Variants in LPIN2 observed in about 807,000 individuals in gnomAD.
LPIN2 encodes the protein lipin 2.
A neutral mutation model predicts 111.4 loss-of-function variants in LPIN2; 55 were observed. That is an observed-to-expected ratio of 0.49 (90% CI 0.40 to 0.62). The LOEUF is 0.62. Among genes scored for constraint, LPIN2 ranks in the 20% least tolerant of loss-of-function variants. The probability of loss-of-function intolerance (pLI) is 0.00; values close to 1 mark genes in which losing one functional copy is unlikely to be tolerated. For synonymous variants in LPIN2, 425 were observed against 414.0 expected (o/e 1.03, Z -0.32); for missense variants, 992 against 1,112.1 (o/e 0.89, Z 1.54).
rs1378990567 is a variant in LPIN2 at position 2,917,683 on chromosome 18, T to A, written c.*2610A>T. ...TACCCAAAAACGGAGGCAGCCTGCATGCTCCAGGTCTACACGAGCACCTCA... is the reference window on the plus strand; with the variant it reads ...TACCCAAAAACGGAGGCAGCCTGCAAGCTCCAGGTCTACACGAGCACCTCA... On this transcript the variant is annotated 3_prime_UTR_variant, in exon 20 of 20. Transcript: ENST00000677752. The A allele has an allele frequency of 6.6e-6, 1 of 151,878 alleles. No individual in the cohort carries two copies. Among genetic ancestry groups the A allele is most frequent in the Non-Finnish European group, 1.5e-5 (1 of 68,090 alleles). 9.4% of individuals were successfully genotyped at this position (151,878 alleles called of 1,614,324 possible). A position where few individuals can be genotyped will look rare whatever the true frequency, so the allele number is the denominator to read the frequency against.
chr18:2,977,338 C>G (rs2078037173), intron 1 of LPIN2, among the ~76,000 whole-genome samples: 2 of 152,126 alleles, frequency 1.3e-5, no homozygotes, highest in South Asian at 4.1e-4. Context: ...ACACAGGTAA[C>G]TAGATGCACA....
At chr18:2,921,834 A>G (rs2077058282) in intron 17 of LPIN2, 187 bp from the exon 18 acceptor site, 1 of 806,624 alleles carries the variant, frequency 1.2e-6, no homozygotes, top group Non-Finnish European at 2.0e-6. Flanking sequence ...GGGAAGGAGA[A>G]AACTTGACGG....
intron 1 of LPIN2, among the ~76,000 whole-genome samples, chr18:3,012,291 G>A (rs2078617308): frequency 6.6e-6 from 1 of 152,160 alleles, no homozygotes; most frequent in Admixed American, 6.5e-5. Context: ...AGTACTTTTC[G>A]GAAAGGAAGG....
chr18:2,947,998 G>A (rs1178689886), intron 4 of LPIN2, among the ~76,000 whole-genome samples: 1 of 152,158 alleles, frequency 6.6e-6, no homozygotes, highest in Non-Finnish European at 1.5e-5. Flanking sequence ...AGAGGCTACT[G>A]TTCTACAATC....
Position 2,920,879 on chromosome 18 carries a change from A to G in LPIN2, c.2445T>C (p.Asp815=), listed in dbSNP as rs140249737. The G allele has an allele frequency of 3.8e-4, 607 of 1,607,242 alleles. No individual in the cohort carries two copies. The highest frequency in any genetic ancestry group is 5.0e-4 in the Non-Finnish European group (583 of 1,173,826). The part of the protein sequence containing the change: ...FYAAFGNRPN[D]VYAYTQVGVP... The stretch of plus-strand genomic sequence containing the variant: ...CTCCAACTTGTGTGTAGGCATAGAC[A>G]TCCTGCAGAAGAAAATAGCAAGCGG... Residue 815 remains aspartate (D), a splice_region_variant and synonymous_variant, in exon 19 of 20, where the codon GAT becomes GAC. Coordinates refer to ENST00000677752, the MANE Select transcript of LPIN2 (RefSeq NM_001375808.2).
chr18:2,951,324 T>C lies in LPIN2; in HGVS notation c.321A>G (p.Pro107=), dbSNP rs2077534121. The part of the protein sequence containing the change: ...EKLPAYLATS[P]IPTEDQFFKD... ...TAAAGAACTGATCTTCAGTAGGAAT[T>C]GGTGAGGTGGCAAGGTAAGCAGGAA... is the stretch of plus-strand genomic sequence containing the variant. Residue 107 remains proline, a synonymous_variant, in exon 4 of 20, where the codon CCA becomes CCG. Coordinates refer to ENST00000677752, the MANE Select transcript of LPIN2 (RefSeq NM_001375808.2). 6.2e-7 allele frequency: 1 copy of C among 1,614,042 alleles called. No homozygotes were observed. The highest frequency in any genetic ancestry group is 8.5e-7 in the Non-Finnish European group (1 of 1,180,006).
intron 7 of LPIN2, among the ~76,000 whole-genome samples, chr18:2,936,860 T>G (rs1214545831): frequency 1.3e-5 from 2 of 152,170 alleles, no homozygotes; most frequent in Non-Finnish European, 2.9e-5. Context: ...ATTACAGGTG[T>G]GAGCCACTGC....
chr18:2,923,875 A>G lies in LPIN2; in HGVS notation c.2088-14T>C, dbSNP rs775607105. On this transcript the variant is annotated splice_polypyrimidine_tract_variant and intron_variant, in intron 15 of 19. Coordinates refer to ENST00000677752, the MANE Select transcript of LPIN2 (RefSeq NM_001375808.2). ...AAAGCATCCGACCTAAGAAGACGGT[A>G]GAAACAGGAAAAGCTATCAGGAATC... 5 of 1,609,820 alleles carry G rather than the reference A, an allele frequency of 3.1e-6. No individual in the cohort carries two copies. The highest frequency in any genetic ancestry group is 4.3e-6 in the Non-Finnish European group (5 of 1,176,176).
intron 16 of LPIN2, among the ~76,000 whole-genome samples, chr18:2,922,805 C>G (rs1262542508): frequency 6.6e-6 from 1 of 152,162 alleles, no homozygotes; most frequent in Non-Finnish European, 1.5e-5. Context: ...ACAGAAAAAA[C>G]CTTGGACTAT....
Position 2,925,788 on chromosome 18 carries a change from T to G in LPIN2, c.1794-420A>C, listed in dbSNP as rs971083058. 2.0e-5 allele frequency among the ~76,000 whole-genome samples: 3 copies of G among 152,188 alleles called. No homozygotes were observed. The highest frequency in any genetic ancestry group is 4.4e-5 in the Non-Finnish European group (3 of 68,026). On this transcript the variant is annotated intron_variant, in intron 13 of 19. Transcript: ENST00000677752. The surrounding 1 kb of genome is among the most constrained non-coding windows in gnomAD (Gnocchi z 4.1). ...TGGGAGGCCGAGTTAGGAGGACACC[T>G]TGAGCCCAGGAGTTTGAGACCAGCC...
At chr18:2,961,977 T>G (rs541850872) in intron 1 of LPIN2, among the ~76,000 whole-genome samples, 6 of 152,132 alleles carry the variant, frequency 3.9e-5, no homozygotes, top group Non-Finnish European at 8.8e-5. Context: ...AGCTTAAAGG[T>G]CCATGCTCTG....
At position 2,948,814 on chromosome 18, in the gene LPIN2, A is replaced by T. The variant is rs1400534872; in HGVS notation, c.590+2241T>A. Among the ~76,000 whole-genome samples the T allele has an allele frequency of 1.6e-4, 23 of 144,668 alleles. No individual in the cohort carries two copies. In the Admixed American group the frequency reaches 1.6e-3, roughly 10 times the overall value. The allele number at this position is 144,668 out of a possible 152,430, so 94.9% of individuals were successfully genotyped here. A position where few individuals can be genotyped will look rare whatever the true frequency, so the allele number is the denominator to read the frequency against. ...AAACTTTTAAAGGAAATTGTTTATA[A>T]TTTTTTTTTTTTTTTTAAAGACAGA... On this transcript the variant is annotated intron_variant, in intron 4 of 19. Coordinates refer to ENST00000677752, the MANE Select transcript of LPIN2 (RefSeq NM_001375808.2).
chr18:2,969,319 G>C lies in LPIN2; in HGVS notation c.-9-8470C>G, dbSNP rs191249281. Among the ~76,000 whole-genome samples, 372 of 152,284 alleles carry C rather than the reference G, an allele frequency of 2.4e-3. 1 individual carries two copies. The highest frequency in any genetic ancestry group is 8.5e-3 in the African/African-American group (352 of 41,558). ...AGCCTTGGGAATTGTCCTGTCCTTTGTCTTTTACAGAGAAAAAGTACAGGG... is the reference window on the plus strand; with the variant it reads ...AGCCTTGGGAATTGTCCTGTCCTTTCTCTTTTACAGAGAAAAAGTACAGGG... On this transcript the variant is annotated intron_variant, in intron 1 of 19. Coordinates refer to ENST00000677752, the MANE Select transcript of LPIN2 (RefSeq NM_001375808.2).
intron 1 of LPIN2, among the ~76,000 whole-genome samples, chr18:3,001,194 G>A (rs2078430681): frequency 6.6e-6 from 1 of 152,182 alleles, no homozygotes; most frequent in Non-Finnish European, 1.5e-5. Context: ...AGCTGCTAGA[G>A]GATGTGCTCC....
chr18:3,012,580 G>A lies in LPIN2; in HGVS notation c.-10+507C>T, dbSNP rs1341008704. 3.9e-5 allele frequency among the ~76,000 whole-genome samples: 6 copies of A among 152,188 alleles called. No individual in the cohort carries two copies. The East Asian group carries it at 9.6e-4, about 24-fold the overall frequency. ...GTACGGGGCAAAGCGCGGCGGGGAA[G>A]AAACACCAGCAACTCGGCGGCCCCC... On this transcript the variant is annotated intron_variant, in intron 1 of 19. Transcript: ENST00000677752.
chr18:2,942,394 G>A (rs1297792375), intron 4 of LPIN2, among the ~76,000 whole-genome samples: 4 of 152,118 alleles, frequency 2.6e-5, no homozygotes, highest in Non-Finnish European at 4.4e-5. Flanking sequence ...ACTCTGAAAG[G>A]ACACATCAGC....
chr18:2,934,525 G>A, intron 7 of LPIN2, 75 bp from the exon 8 acceptor site: 1 of 927,146 alleles, frequency 1.1e-6, no homozygotes. Context: ...ACGCACGTTT[G>A]CAAACAGTAA....
At chr18:2,924,103 T>C (rs1219999684) in intron 15 of LPIN2, among the ~76,000 whole-genome samples, 1 of 152,180 alleles carries the variant, frequency 6.6e-6, no homozygotes, top group Non-Finnish European at 1.5e-5. Context: ...ACTGCCACAC[T>C]TTCTCTTTTC....
chr18:2,931,815 CT>C (rs1477325908), intron 8 of LPIN2, among the ~76,000 whole-genome samples: 1 of 152,054 alleles, frequency 6.6e-6, no homozygotes, highest in Non-Finnish European at 1.5e-5. Flanking sequence ...TTAAGAAAAT[CT>C]GCTGTTTGGA....
Sources: gnomAD v4.1 joint callset for allele counts (sites outside exome capture counted in the v4.1 genomes callset) on GRCh38, gnomAD v4.1.1 for gene constraint, Gnocchi (gnomAD v3.1) non-coding constraint, MANE v1.5 for transcripts, NCBI Gene and HGNC (gene_info 2026-07-23, HGNC 2026-07-21) for gene names.